The following LSAMP variants were observed in gnomAD, a reference collection of about 807,000 sequenced individuals.
LSAMP encodes limbic system associated membrane protein.
Under a neutral mutation model 38.6 loss-of-function variants are expected in LSAMP, and 7 were observed. That is an observed-to-expected ratio of 0.18 (90% CI 0.10 to 0.34). LSAMP has a LOEUF of 0.34. Ranked by LOEUF, LSAMP falls within the 10% of genes least tolerant of loss-of-function variation. The pLI, the probability that LSAMP is intolerant of heterozygous loss-of-function variation, is 1.00. For synonymous variants in LSAMP, 154 were observed against 166.8 expected (o/e 0.92, Z 0.59); for missense variants, 313 against 420.0 (o/e 0.75, Z 2.23).
intron 2 of LSAMP, among the ~76,000 whole-genome samples, chr3:116,038,276 T>C (rs1941092604): frequency 1.3e-5 from 2 of 152,294 alleles, no homozygotes; most frequent in Non-Finnish European, 2.9e-5. Context: ...ACATGATGTC[T>C]GGAATATAGG....
At chr3:116,318,135 C>CAA (rs373392802) in intron 1 of LSAMP, among the ~76,000 whole-genome samples, 11,952 of 100,942 alleles carry the variant, frequency 0.12, 891 homozygotes, top group Middle Eastern at 0.18. Flanking sequence ...GACTCCATCT[C>CAA]AAAAAAAAAA....
At chr3:115,881,602 G>A (rs1389182683) in intron 3 of LSAMP, among the ~76,000 whole-genome samples, 1 of 152,072 alleles carries the variant, frequency 6.6e-6, no homozygotes, top group African/African-American at 2.4e-5. Context: ...TTGTGTTCTT[G>A]GACTTGGCGG....
Position 116,444,859 on chromosome 3 carries a change from G to A in LSAMP, c.155+18C>T, listed in dbSNP as rs752747087. On this transcript the variant is annotated intron_variant, in intron 1 of 6. Transcript: ENST00000490035. ...ACGTGTAGACGCGCGCAGCAGAAAA[G>A]TTGCCCGAAAGCCCTACCTGAGGAT... The A allele has an allele frequency of 1.2e-6, 2 of 1,613,196 alleles. No homozygotes were observed. The highest frequency in any genetic ancestry group is 1.3e-5 in the African/African-American group (1 of 74,578).
At position 115,842,573 on chromosome 3, in the gene LSAMP, G is replaced by A; in HGVS notation, c.655C>T (p.Pro219Ser). The A allele has an allele frequency of 6.2e-7, 1 of 1,613,368 alleles. No homozygotes were observed. ...KQVKVTVNYP[P>S]TITESKSNEA... ...TTGCTCTTGGATTCTGTGATAGTGG[G>A]AGGATCTGTAGGAAGGACAGGCACA... is the stretch of plus-strand genomic sequence containing the variant. The change falls in exon 5 of 7, where the codon CCC becomes TCC. Residue 219 changes from proline to serine, a missense_variant. Transcript: ENST00000490035.
intron 3 of LSAMP, among the ~76,000 whole-genome samples, chr3:115,984,420 A>T (rs1939452961): frequency 6.6e-6 from 1 of 152,160 alleles, no homozygotes; most frequent in Admixed American, 6.5e-5. Flanking sequence ...AGAAAGAAAG[A>T]ATCAGTGATT....
intron 3 of LSAMP, among the ~76,000 whole-genome samples, chr3:115,877,502 C>CA (rs1936210583): frequency 6.6e-6 from 1 of 151,842 alleles, no homozygotes; most frequent in South Asian, 2.1e-4. Flanking sequence ...GTAATGCCTA[C>CA]AAAAAATAAA....
intron 1 of LSAMP, among the ~76,000 whole-genome samples, chr3:116,259,790 A>T (rs906714668): frequency 6.6e-6 from 1 of 152,152 alleles, no homozygotes; most frequent in Non-Finnish European, 1.5e-5. Flanking sequence ...AACTAAAAAA[A>T]CAAACAAAAA....
intron 1 of LSAMP, among the ~76,000 whole-genome samples, chr3:116,330,674 A>C (rs1406196062): frequency 6.6e-6 from 1 of 152,214 alleles, no homozygotes; most frequent in Non-Finnish European, 1.5e-5. Flanking sequence ...ATGCCCAGGC[A>C]AAAACACAGG....
intron 1 of LSAMP, among the ~76,000 whole-genome samples, chr3:116,318,520 CA>C (rs1241817399): frequency 4.6e-5 from 7 of 152,144 alleles, no homozygotes; most frequent in Non-Finnish European, 8.8e-5. Flanking sequence ...CTGACCTTTA[CA>C]AATGATCTTT....
chr3:116,150,044 A>G (rs1158983958), intron 1 of LSAMP, among the ~76,000 whole-genome samples: 1 of 152,094 alleles, frequency 6.6e-6, no homozygotes, highest in Non-Finnish European at 1.5e-5. Context: ...TGACTTACAG[A>G]ATGTGGAACA....
At chr3:116,268,799 T>C (rs1279347878) in intron 1 of LSAMP, among the ~76,000 whole-genome samples, 1 of 152,098 alleles carries the variant, frequency 6.6e-6, no homozygotes, top group Non-Finnish European at 1.5e-5. Flanking sequence ...AATATTATTA[T>C]TCTCTTGTAG....
chr3:115,907,826 A>G (rs575958050), intron 3 of LSAMP, among the ~76,000 whole-genome samples: 2 of 152,326 alleles, frequency 1.3e-5, no homozygotes, highest in Middle Eastern at 3.4e-3. Flanking sequence ...AGAGAGTTGT[A>G]TGCACCAGCT....
chr3:115,864,582 G>A lies in LSAMP; in HGVS notation c.515-11965C>T, dbSNP rs186495917. ...GAAAGGGGAAAAGTTCTGAGGTGGA[G>A]GTAGAAAGAACTCATCCTTTGTTCT... On this transcript the variant is annotated intron_variant, in intron 3 of 6. Coordinates refer to ENST00000490035, the MANE Select transcript of LSAMP (RefSeq NM_002338.5). Among the ~76,000 whole-genome samples the A allele has an allele frequency of 5.6e-4, 85 of 152,198 alleles. 1 individual carries two copies. In the East Asian group the frequency reaches 7.5e-3, roughly 13 times the overall value.
intron 1 of LSAMP, among the ~76,000 whole-genome samples, chr3:116,092,715 T>C (rs1708150997): frequency 6.6e-6 from 1 of 152,208 alleles, no homozygotes; most frequent in South Asian, 2.1e-4. Flanking sequence ...CTAGTAACAT[T>C]GCACAAGAGT....
At chr3:116,037,859 A>G (rs929020150) in intron 2 of LSAMP, among the ~76,000 whole-genome samples, 1 of 152,078 alleles carries the variant, frequency 6.6e-6, no homozygotes, top group African/African-American at 2.4e-5. Flanking sequence ...ATTGTACTCA[A>G]CTTCAGTGGT....
Position 116,444,917 on chromosome 3 carries a change from C to T in LSAMP, c.115G>A (p.Asp39Asn). The T allele has an allele frequency of 6.2e-7, 1 of 1,614,096 alleles. No individual in the cohort carries two copies. Among genetic ancestry groups the T allele is most frequent in the Non-Finnish European group, 8.5e-7 (1 of 1,180,038 alleles). The part of the protein sequence containing the change: ...VRSVDFNRGT[D>N]NITVRQGDTA... Reference sequence around the variant, plus strand: ...TCCCCCTGCCTCACGGTGATGTTGTCCGTGCCTCGGTTAAAATCCACGCTG... The same window carrying T: ...TCCCCCTGCCTCACGGTGATGTTGTTCGTGCCTCGGTTAAAATCCACGCTG... The change falls in exon 1 of 7, where the codon GAC (aspartate) becomes AAC (asparagine). Residue 39 changes from aspartate to asparagine, a missense_variant. Physicochemically the swap from Asp to Asn is conservative, Grantham distance 23. Coordinates refer to ENST00000490035, the MANE Select transcript of LSAMP (RefSeq NM_002338.5).
At chr3:116,331,050 T>C (rs2047845221) in intron 1 of LSAMP, among the ~76,000 whole-genome samples, 1 of 151,994 alleles carries the variant, frequency 6.6e-6, no homozygotes, top group Non-Finnish European at 1.5e-5. Flanking sequence ...AAAGTATAAA[T>C]ATCAATAAAT....
chr3:116,275,538 A>G (rs906434233), intron 1 of LSAMP, among the ~76,000 whole-genome samples: 2 of 84,956 alleles, frequency 2.4e-5, no homozygotes, highest in Non-Finnish European at 3.8e-5. Context: ...CATGACAACA[A>G]TAGAAAAAAA....
intron 1 of LSAMP, among the ~76,000 whole-genome samples, chr3:116,221,150 CAAAAAAAAA>C (rs71141862): frequency 1.9e-5 from 1 of 53,184 alleles, no homozygotes; most frequent in Non-Finnish European, 3.2e-5. Context: ...GACTCTGTCT[CAAAAAAAAA>C]AAAAAAAAAA....
Sources: allele counts gnomAD v4.1 joint callset (sites outside exome capture counted in the v4.1 genomes callset), GRCh38; gene constraint gnomAD v4.1.1; transcripts MANE v1.5; gene names NCBI Gene and HGNC (gene_info 2026-07-23, HGNC 2026-07-21).